The following MYO1D variants were observed in gnomAD, a reference collection of about 807,000 sequenced individuals.
MYO1D encodes the protein unconventional myosin-Id.
MYO1D carries 83 observed loss-of-function variants against 122.0 expected under a neutral mutation model. That is an observed-to-expected ratio of 0.68 (90% CI 0.57 to 0.82). MYO1D has a LOEUF of 0.82. MYO1D is among the 40% of genes least tolerant of loss of function. The pLI is 0.00. For synonymous variants in MYO1D, 464 were observed against 446.9 expected, an observed-to-expected ratio of 1.04 and a Z score of -0.48; for missense variants, 1,157 against 1,269.5, an observed-to-expected ratio of 0.91 and a Z score of 1.35.
chr17:32,720,777 T>C (rs960131248), intron 15 of MYO1D, among the ~76,000 whole-genome samples: 1 of 152,194 alleles, frequency 6.6e-6, no homozygotes, highest in Non-Finnish European at 1.5e-5. Context: ...AGATCAGTGC[T>C]CTTTCTGCTA....
intron 21 of MYO1D, among the ~76,000 whole-genome samples, chr17:32,560,660 C>G (rs914161206): frequency 9.4e-5 from 14 of 148,290 alleles, no homozygotes; most frequent in African/African-American, 3.2e-4. Flanking sequence ...TGCTCTGTCA[C>G]CCAGCCTGGA....
At position 32,721,148 on chromosome 17, in the gene MYO1D, T is replaced by C; in HGVS notation, c.1788A>G (p.Lys596=). 6.8e-6 allele frequency: 11 copies of C among 1,614,120 alleles called. No homozygotes were observed. Among genetic ancestry groups the C allele is most frequent in the Non-Finnish European group, 9.3e-6 (11 of 1,179,984 alleles). The change falls in exon 15 of 22, where the codon AAA becomes AAG. Residue 596 remains lysine, a synonymous_variant. Coordinates refer to ENST00000318217, the MANE Select transcript of MYO1D (RefSeq NM_015194.3). ...YVRCIKPNDK[K]SPQIFDDERC... ...GTTCATCATCAAATATCTGTGGAGA[T>C]TTCTTGTCATTGGGTTTGATGCAAC...
chr17:32,618,559 T>G (rs1484623070), intron 20 of MYO1D, among the ~76,000 whole-genome samples: 1 of 152,116 alleles, frequency 6.6e-6, no homozygotes, highest in Non-Finnish European at 1.5e-5. Context: ...CTTAACAAAA[T>G]TAAATACAAA....
chr17:32,507,599 T>C (rs62065495), intron 21 of MYO1D, among the ~76,000 whole-genome samples: 60,160 of 152,024 alleles, frequency 0.4, 12,602 homozygotes, highest in Non-Finnish European at 0.46. Flanking sequence ...AAATTAGAAA[T>C]CAAATAAAAG....
chr17:32,670,633 A>T (rs1246678612), intron 16 of MYO1D, among the ~76,000 whole-genome samples: 1 of 152,170 alleles, frequency 6.6e-6, no homozygotes. Flanking sequence ...CTTTCCTTTG[A>T]TTGATCCCCA....
intron 6 of MYO1D, among the ~76,000 whole-genome samples, chr17:32,770,710 T>G (rs182602753): frequency 8.5e-5 from 13 of 152,264 alleles, no homozygotes; most frequent in Non-Finnish European, 1.6e-4. Context: ...AAATCAACAT[T>G]TGAACAAACA....
chr17:32,494,785 A>G lies in MYO1D; in HGVS notation c.2995T>C (p.Phe999Leu). 2 of 1,610,516 alleles carry G rather than the reference A, an allele frequency of 1.2e-6. No homozygotes were observed. The highest frequency in any genetic ancestry group is 1.1e-5 in the South Asian group (1 of 90,566). Reference protein sequence around the residue: ...QPDFTKNRSGFILSVPGN With the variant: ...QPDFTKNRSGLILSVPGN The stretch of plus-strand genomic sequence containing the variant: ...CAGTTCCCGGGCACGCTGAGGATGA[A>G]GCCCGAGCGATTCTTGGTGAAGTCG... Residue 999 changes from phenylalanine (F) to leucine (L), a missense_variant, in exon 22 of 22, where the codon TTC (phenylalanine) becomes CTC (leucine). Physicochemically the swap from Phe to Leu is conservative, Grantham distance 22 (BLOSUM62 0). Coordinates refer to ENST00000318217, the MANE Select transcript of MYO1D (RefSeq NM_015194.3).
intron 1 of MYO1D, among the ~76,000 whole-genome samples, chr17:32,818,353 A>G (rs2090631580): frequency 6.6e-6 from 1 of 152,066 alleles, no homozygotes; most frequent in African/African-American, 2.4e-5. Flanking sequence ...CTGTGGTCCC[A>G]TGTGAAGGCC....
chr17:32,558,303 C>A (rs973796018), intron 21 of MYO1D, among the ~76,000 whole-genome samples: 3 of 152,174 alleles, frequency 2.0e-5, no homozygotes, highest in Non-Finnish European at 2.9e-5. Flanking sequence ...ACAGTTAACA[C>A]TGAACAGAAG....
intron 21 of MYO1D, among the ~76,000 whole-genome samples, chr17:32,587,858 G>A (rs532900169): frequency 6.6e-6 from 1 of 152,330 alleles, no homozygotes; most frequent in East Asian, 1.9e-4. Flanking sequence ...ACTTCCAGCT[G>A]CAGCAGCAGG....
chr17:32,659,596 C>T, intron 16 of MYO1D: 1 of 514,108 alleles, frequency 1.9e-6, no homozygotes, highest in Middle Eastern at 5.3e-4. Context: ...AAGCTGAGTC[C>T]TGTTTTAACT....
chr17:32,876,695 C>T (rs1350307053), intron 1 of MYO1D, 83 bp downstream of exon 1: 1 of 1,209,804 alleles, frequency 8.3e-7, no homozygotes, highest in African/African-American at 1.6e-5. Context: ...GCTCCCGACA[C>T]CCCGGATCCG....
intron 16 of MYO1D, among the ~76,000 whole-genome samples, chr17:32,698,315 CTCCTTCCTTCCTTCTTTCCTTCCT>C (rs966246832): frequency 1.3e-4 from 14 of 108,784 alleles, no homozygotes; most frequent in African/African-American, 4.5e-4. Flanking sequence ...TCCCCCTTCC[CTCCTTCCTTCCTTCTTTCCTTCCT>C]TCCTCCCTCC....
At chr17:32,522,934 A>G (rs1407276344) in intron 21 of MYO1D, among the ~76,000 whole-genome samples, 49 of 151,152 alleles carry the variant, frequency 3.2e-4, no homozygotes, top group Non-Finnish European at 1.0e-4. Context: ...CTCCTGCCTC[A>G]GCCTCCCGAG....
At chr17:32,602,470 T>G (rs1417883317) in intron 21 of MYO1D, 1 of 152,240 alleles carries the variant, frequency 6.6e-6, no homozygotes, top group Non-Finnish European at 1.5e-5. Context: ...ATTTATTAGG[T>G]GGTACCAGAG....
intron 16 of MYO1D, among the ~76,000 whole-genome samples, chr17:32,669,383 C>G (rs979187727): frequency 6.6e-6 from 1 of 152,184 alleles, no homozygotes; most frequent in African/African-American, 2.4e-5. Context: ...AGTTCCTAGT[C>G]ACTTTCTCAC....
chr17:32,753,095 A>T (rs2089914338), intron 11 of MYO1D, among the ~76,000 whole-genome samples: 1 of 152,222 alleles, frequency 6.6e-6, no homozygotes, highest in Admixed American at 6.5e-5. Context: ...ATGCAGCCAT[A>T]AAAAAGAATG....
chr17:32,753,048 A>G (rs1317224444), intron 11 of MYO1D, among the ~76,000 whole-genome samples: 2 of 152,232 alleles, frequency 1.3e-5, no homozygotes, highest in Admixed American at 6.5e-5. Flanking sequence ...GATTGGATAG[A>G]AAGAAAATGT....
At chr17:32,533,569 T>A (rs1407757415) in intron 21 of MYO1D, among the ~76,000 whole-genome samples, 1 of 152,150 alleles carries the variant, frequency 6.6e-6, no homozygotes, top group African/African-American at 2.4e-5. Flanking sequence ...GATTTCCTGC[T>A]TGAAACTCTC....
Sources: allele counts gnomAD v4.1 joint callset (sites outside exome capture counted in the v4.1 genomes callset), GRCh38; gene constraint gnomAD v4.1.1; transcripts MANE v1.5; gene names NCBI Gene and HGNC (gene_info 2026-07-23, HGNC 2026-07-21).